The following GSG1L variants were observed in gnomAD, a reference collection of about 807,000 sequenced individuals.
The protein encoded by GSG1L is germ cell-specific gene 1-like protein.
GSG1L carries 24 observed loss-of-function variants against 42.1 expected under a neutral mutation model. That is an observed-to-expected ratio of 0.57 (90% CI 0.41 to 0.80). The LOEUF is 0.80. Among genes scored for constraint, GSG1L ranks in the 30% least tolerant of loss-of-function variants. The pLI is 0.00. For synonymous variants in GSG1L, 215 were observed against 203.5 expected (o/e 1.06, Z -0.48); for missense variants, 445 against 472.2 (o/e 0.94, Z 0.53).
chr16:28,035,616 G>T (rs983664570), intron 1 of GSG1L, among the ~76,000 whole-genome samples: 1 of 152,092 alleles, frequency 6.6e-6, no homozygotes, highest in African/African-American at 2.4e-5. Context: ...TAATAGCCCC[G>T]ACCTCCACAC....
At chr16:27,948,218 T>A (rs2084907031) in intron 2 of GSG1L, among the ~76,000 whole-genome samples, 1 of 152,112 alleles carries the variant, frequency 6.6e-6, no homozygotes, top group South Asian at 2.1e-4. Flanking sequence ...ACGCACATGA[T>A]CTTGGTTGGG....
intron 1 of GSG1L, among the ~76,000 whole-genome samples, chr16:27,982,054 G>A (rs2141126487): frequency 6.6e-6 from 1 of 152,302 alleles, no homozygotes; most frequent in Non-Finnish European, 1.5e-5. Flanking sequence ...ATCTTCTGTA[G>A]TATGGAGTTA....
At chr16:28,001,569 G>A (rs537113409) in intron 1 of GSG1L, among the ~76,000 whole-genome samples, 2 of 152,154 alleles carry the variant, frequency 1.3e-5, no homozygotes, top group Non-Finnish European at 2.9e-5. Flanking sequence ...ACGTGAAATC[G>A]TCTCCTCCAC....
intron 6 of GSG1L, among the ~76,000 whole-genome samples, chr16:27,794,294 AG>A (rs1462430575): frequency 1.3e-5 from 2 of 151,450 alleles, no homozygotes. Flanking sequence ...CTGGAATTAC[AG>A]GTGTGAGTCA....
intron 2 of GSG1L, among the ~76,000 whole-genome samples, chr16:27,898,431 G>A (rs772866): frequency 0.38 from 57,253 of 150,426 alleles, 12,769 homozygotes; most frequent in East Asian, 0.51. Flanking sequence ...AAAGGGGGCT[G>A]CTGTGAAGGC....
intron 5 of GSG1L, among the ~76,000 whole-genome samples, chr16:27,821,016 G>A (rs1159542290): frequency 6.6e-6 from 1 of 152,128 alleles, no homozygotes; most frequent in Non-Finnish European, 1.5e-5. Flanking sequence ...GATCTGTCTG[G>A]TGAATGCTGC....
At chr16:27,943,160 T>A (rs1037269310) in intron 2 of GSG1L, among the ~76,000 whole-genome samples, 2 of 151,990 alleles carry the variant, frequency 1.3e-5, no homozygotes, top group Non-Finnish European at 2.9e-5. Flanking sequence ...CCTCAAGTGA[T>A]CCTCCTGTCT....
At chr16:27,874,523 C>T (rs1480700043) in intron 3 of GSG1L, among the ~76,000 whole-genome samples, 1 of 131,276 alleles carries the variant, frequency 7.6e-6, no homozygotes, top group East Asian at 2.7e-4. Flanking sequence ...TCATGGCTGA[C>T]TGCAGCCTCC....
At chr16:27,976,013 G>A (rs1482818355) in intron 1 of GSG1L, among the ~76,000 whole-genome samples, 4 of 152,162 alleles carry the variant, frequency 2.6e-5, no homozygotes, top group East Asian at 3.8e-4. Flanking sequence ...GGTGGCTCAC[G>A]CCTGTAATCT....
intron 1 of GSG1L, among the ~76,000 whole-genome samples, chr16:28,023,897 G>C (rs1041064163): frequency 3.3e-5 from 5 of 151,792 alleles, no homozygotes; most frequent in Non-Finnish European, 5.9e-5. Flanking sequence ...AGGTGTGGGG[G>C]TGCTTGCCTG....
chr16:27,828,163 G>A (rs34036297), intron 5 of GSG1L, among the ~76,000 whole-genome samples: 12,137 of 148,160 alleles, frequency 0.082, 655 homozygotes, highest in East Asian at 0.17. Context: ...CCATCCACCC[G>A]CTCACCTGTC....
chr16:28,049,953 C>T (rs1021869476), intron 1 of GSG1L, among the ~76,000 whole-genome samples: 15 of 152,262 alleles, frequency 9.9e-5, no homozygotes, highest in Middle Eastern at 3.4e-3. Flanking sequence ...GATTTATCTA[C>T]GGTTTAACTT....
intron 6 of GSG1L, among the ~76,000 whole-genome samples, chr16:27,793,792 C>A (rs949502503): frequency 1.3e-5 from 2 of 152,166 alleles, no homozygotes; most frequent in Non-Finnish European, 2.9e-5. Flanking sequence ...GGGCTCAGAG[C>A]CATTTAAGGT....
chr16:27,890,657 A>C (rs2084114921), intron 2 of GSG1L, among the ~76,000 whole-genome samples: 1 of 152,198 alleles, frequency 6.6e-6, no homozygotes, highest in Non-Finnish European at 1.5e-5. Flanking sequence ...AGATGATGGC[A>C]TTCTTCACTG....
intron 2 of GSG1L, among the ~76,000 whole-genome samples, chr16:27,907,680 G>A (rs1030648789): frequency 1.3e-5 from 2 of 152,218 alleles, no homozygotes; most frequent in Non-Finnish European, 2.9e-5. Flanking sequence ...TAACCTTTCT[G>A]CAGAGGCCAA....
chr16:27,796,175 C>A (rs982606182), intron 6 of GSG1L, among the ~76,000 whole-genome samples: 1 of 152,188 alleles, frequency 6.6e-6, no homozygotes, highest in African/African-American at 2.4e-5. Context: ...TTCCTTCCGG[C>A]CAATCACCCA....
chr16:27,895,390 C>T (rs1269666272), intron 2 of GSG1L, among the ~76,000 whole-genome samples: 5 of 152,056 alleles, frequency 3.3e-5, no homozygotes, highest in African/African-American at 9.7e-5. Context: ...CAAGAGCATT[C>T]GAGTTTCCAG....
chr16:28,022,841 T>C (rs1045971093), intron 1 of GSG1L, among the ~76,000 whole-genome samples: 3 of 152,152 alleles, frequency 2.0e-5, no homozygotes, highest in South Asian at 4.2e-4. Flanking sequence ...CTAATTTTTG[T>C]ATGTTTTTTT....
chr16:27,881,861 G>T (rs2384822), intron 3 of GSG1L, among the ~76,000 whole-genome samples: 2 of 151,728 alleles, frequency 1.3e-5, no homozygotes, highest in South Asian at 4.2e-4. Flanking sequence ...CCTCCTGCAC[G>T]GTGGACCTGT....
Sources: allele counts gnomAD v4.1 joint callset (sites outside exome capture counted in the v4.1 genomes callset), GRCh38; gene constraint gnomAD v4.1.1; transcripts MANE v1.5; gene names NCBI Gene and HGNC (gene_info 2026-07-23, HGNC 2026-07-21).